ABCG5: variants seen among roughly 807,000 people sequenced by gnomAD.
ABCG5 encodes the protein ATP-binding cassette sub-family G member 5.
In ABCG5, 64 loss-of-function variants were observed where a neutral mutation model predicts 64.5. The ratio of observed to expected loss-of-function variants is 0.99; its 90% CI spans 0.81 to 1.22. The LOEUF (loss-of-function observed/expected upper bound fraction) is 1.22. ABCG5 is among the 50% of genes most tolerant of loss of function. The pLI is 0.00. For synonymous variants in ABCG5, 385 were observed against 326.3 expected (o/e 1.18, Z -1.94); for missense variants, 908 against 829.5 (o/e 1.09, Z -1.16).
At chr2:43,836,331 A>G (rs1279766376) in intron 2 of ABCG5, among the ~76,000 whole-genome samples, 1 of 152,112 alleles carries the variant, frequency 6.6e-6, no homozygotes, top group African/African-American at 2.4e-5. Context: ...CCCTGAGTCT[A>G]AGGAGGCTGA....
intron 11 of ABCG5, among the ~76,000 whole-genome samples, chr2:43,817,141 T>G (rs1666886950): frequency 6.6e-6 from 1 of 152,232 alleles, no homozygotes; most frequent in Non-Finnish European, 1.5e-5. Flanking sequence ...GTTAAGATTT[T>G]GCAACTAATC....
intron 7 of ABCG5, 69 bp from the exon 8 acceptor site, chr2:43,824,501 T>C: frequency 6.2e-7 from 1 of 1,600,028 alleles, no homozygotes; most frequent in Non-Finnish European, 8.5e-7. Context: ...GATATACAAT[T>C]GGTACAGGAG....
chr2:43,814,675 C>T, intron 11 of ABCG5, 86 bp from the exon 12 acceptor site: 1 of 788,684 alleles, frequency 1.3e-6, no homozygotes, highest in Middle Eastern at 3.6e-4. Context: ...CTTATATTTT[C>T]CAACAGGAAT....
At chr2:43,833,107 T>C (rs1449824944) in intron 2 of ABCG5, among the ~76,000 whole-genome samples, 3 of 151,638 alleles carry the variant, frequency 2.0e-5, no homozygotes, top group Non-Finnish European at 2.9e-5. Flanking sequence ...ACTGCTTTTT[T>C]CTAAGGTTAA....
At chr2:43,828,349 C>T (rs761065941) in intron 4 of ABCG5, 1 of 575,498 alleles carries the variant, frequency 1.7e-6, no homozygotes, top group East Asian at 3.7e-5. Context: ...TAAAACGTCC[C>T]CAGAGGCTGG....
intron 10 of ABCG5, 33 bp from the exon 11 acceptor site, chr2:43,820,133 C>T: frequency 1.3e-6 from 2 of 1,598,576 alleles, no homozygotes; most frequent in Non-Finnish European, 1.7e-6. Context: ...GTTTCCTCTC[C>T]AAGGGCTATC....
intron 2 of ABCG5, among the ~76,000 whole-genome samples, chr2:43,834,661 G>A (rs1347768295): frequency 6.6e-6 from 1 of 152,250 alleles, no homozygotes; most frequent in Non-Finnish European, 1.5e-5. Context: ...CCAGCACTTT[G>A]GGAGGCCAAG....
chr2:43,822,188 T>C (rs1667254398), intron 10 of ABCG5, among the ~76,000 whole-genome samples: 1 of 152,176 alleles, frequency 6.6e-6, no homozygotes, highest in Non-Finnish European at 1.5e-5. Context: ...CTTCCCTTCT[T>C]GTAAACCTGA....
At chr2:43,813,714 T>A (rs1375298986) in intron 12 of ABCG5, among the ~76,000 whole-genome samples, 1,474 of 119,414 alleles carry the variant, frequency 0.012, 30 homozygotes, top group African/African-American at 0.038. Context: ...TTTTCGTTTT[T>A]TTTTTTTTTT....
intron 9 of ABCG5, 130 bp from the exon 10 acceptor site, chr2:43,823,065 T>C: frequency 8.0e-7 from 1 of 1,248,358 alleles, no homozygotes; most frequent in Non-Finnish European, 1.1e-6. Flanking sequence ...TCCCTAGTCA[T>C]AGAAGGAGGG....
chr2:43,837,264 C>A (rs1668336584), intron 2 of ABCG5, among the ~76,000 whole-genome samples: 2 of 151,830 alleles, frequency 1.3e-5, no homozygotes, highest in Non-Finnish European at 2.9e-5. Context: ...GGACCGCAGA[C>A]ATGCACCACC....
At chr2:43,830,386 A>G (rs1439070272) in intron 4 of ABCG5, among the ~76,000 whole-genome samples, 1 of 152,214 alleles carries the variant, frequency 6.6e-6, no homozygotes, top group Non-Finnish European at 1.5e-5. Context: ...AAGTTCCATA[A>G]CTTGCCCAAG....
chr2:43,832,163 G>A, intron 2 of ABCG5, 80 bp from the exon 3 acceptor site: 1 of 1,539,742 alleles, frequency 6.5e-7, no homozygotes, highest in Non-Finnish European at 8.8e-7. Context: ...CTCTGTGCAG[G>A]CATGACCCCG....
the ABCG5 span, among the ~76,000 whole-genome samples, chr2:43,806,530 A>G: frequency 6.6e-6 from 1 of 152,242 alleles, no homozygotes; most frequent in Non-Finnish European, 1.5e-5. Flanking sequence ...TTGTAGAAAC[A>G]GGAAAATGAC....
chr2:43,808,326 A>G (rs1273802452), downstream of ABCG5, among the ~76,000 whole-genome samples: 1 of 151,948 alleles, frequency 6.6e-6, no homozygotes, highest in African/African-American at 2.4e-5. Context: ...GAAACATTTA[A>G]CATTTAAATT....
chr2:43,806,564 G>A, the ABCG5 span, among the ~76,000 whole-genome samples: 349 of 152,280 alleles, frequency 2.3e-3, no homozygotes, highest in Non-Finnish European at 3.8e-3. Context: ...TATTATGTTT[G>A]CAGCCTGGCT....
chr2:43,834,075 A>G (rs1434101033), intron 2 of ABCG5, among the ~76,000 whole-genome samples: 1 of 152,228 alleles, frequency 6.6e-6, no homozygotes, highest in East Asian at 1.9e-4. Flanking sequence ...TTTCTAATGC[A>G]TCATTGACAA....
chr2:43,833,630 C>T (rs375380970), intron 2 of ABCG5, among the ~76,000 whole-genome samples: 8 of 151,980 alleles, frequency 5.3e-5, no homozygotes, highest in South Asian at 4.2e-4. Flanking sequence ...GTGATCTGCC[C>T]GCCTCAACCT....
At chr2:43,818,141 T>C (rs1666962074) in intron 11 of ABCG5, among the ~76,000 whole-genome samples, 1 of 152,124 alleles carries the variant, frequency 6.6e-6, no homozygotes, top group Non-Finnish European at 1.5e-5. Context: ...AACAGGATGA[T>C]TGTATGGCTA....
Sources: gnomAD v4.1 joint callset for allele counts (sites outside exome capture counted in the v4.1 genomes callset) on GRCh38, gnomAD v4.1.1 for gene constraint, MANE v1.5 for transcripts, NCBI Gene and HGNC (gene_info 2026-07-23, HGNC 2026-07-21) for gene names.